ANKS1A: variants seen among roughly 807,000 people sequenced by gnomAD.
ANKS1A encodes ankyrin repeat and SAM domain-containing protein 1A.
In ANKS1A, 55 loss-of-function variants were observed where a neutral mutation model predicts 120.3. The ratio of observed to expected loss-of-function variants is 0.46; its 90% confidence interval spans 0.37 to 0.57. ANKS1A has a LOEUF of 0.57. ANKS1A is among the 20% of genes least tolerant of loss of function. The pLI is 0.00. For missense variants in ANKS1A, 1,123 were observed against 1,480.3 expected, an observed-to-expected ratio of 0.76 and a Z score of 3.96; for synonymous variants, 590 against 604.7, an observed-to-expected ratio of 0.98 and a Z score of 0.36.
rs189598650 is a variant in ANKS1A, at chr6:34,987,633, C to T, written c.1210-1591C>T. Among the ~76,000 whole-genome samples the T allele has an allele frequency of 1.3e-4, 20 of 152,308 alleles. No homozygotes were observed. The South Asian group carries it at 1.7e-3, about 13-fold the overall frequency. On this transcript the variant is annotated intron_variant, in intron 8 of 23. Transcript: ENST00000360359. ...TTGTTTTGAAGTTGTTGCCATTGGG[C>T]ATCCATCTGGTTCCAGGGTCTATGG... is the stretch of plus-strand genomic sequence containing the variant.
At chr6:34,903,256 G>T (rs1767452687) in intron 1 of ANKS1A, among the ~76,000 whole-genome samples, 2 of 150,358 alleles carry the variant, frequency 1.3e-5, no homozygotes, top group Non-Finnish European at 3.0e-5. Flanking sequence ...TTTCAAATTG[G>T]CTCATTGTGG....
intron 10 of ANKS1A, among the ~76,000 whole-genome samples, chr6:35,014,053 T>G (rs1372256629): frequency 6.6e-6 from 1 of 152,196 alleles, no homozygotes; most frequent in African/African-American, 2.4e-5. Flanking sequence ...AAGAAGTGAT[T>G]TGCTTAAAAA....
At chr6:34,941,563 C>T (rs1442516609) in intron 1 of ANKS1A, among the ~76,000 whole-genome samples, 26 of 152,076 alleles carry the variant, frequency 1.7e-4, no homozygotes, top group Non-Finnish European at 5.9e-5. Flanking sequence ...CCACTGTGCC[C>T]GCCCAAACTG....
intron 20 of ANKS1A, 22 bp downstream of exon 20, chr6:35,083,525 T>G (rs748449461): frequency 1.9e-6 from 3 of 1,611,792 alleles, no homozygotes; most frequent in Non-Finnish European, 2.5e-6. Flanking sequence ...ACAGGGACTC[T>G]TGGTGGGAGT....
chr6:34,910,978 G>C lies in ANKS1A; in HGVS notation c.197+21379G>C, dbSNP rs187721744. The stretch of plus-strand genomic sequence containing the variant: ...GTGGAAGGACTGGAGTTTTGTAAGG[G>C]ATAACTGAAATGAAACACTTTTTTC... On this transcript the variant is annotated intron_variant, in intron 1 of 23. Transcript: ENST00000360359. 1.2e-4 allele frequency among the ~76,000 whole-genome samples: 19 copies of C among 152,300 alleles called. No individual in the cohort carries two copies. In the East Asian group the frequency reaches 2.9e-3, roughly 23 times the overall value.
chr6:34,915,507 C>T (rs922084653), intron 1 of ANKS1A, among the ~76,000 whole-genome samples: 2 of 152,028 alleles, frequency 1.3e-5, no homozygotes, highest in South Asian at 4.2e-4. Context: ...CCACCGCACT[C>T]GACTAATTTT....
chr6:34,954,048 A>G (rs1770220894), intron 1 of ANKS1A, among the ~76,000 whole-genome samples: 1 of 152,238 alleles, frequency 6.6e-6, no homozygotes, highest in South Asian at 2.1e-4. Flanking sequence ...GCTTGTTAAA[A>G]ATATAATGTA....
intron 2 of ANKS1A, among the ~76,000 whole-genome samples, chr6:34,968,510 T>G (rs1238400065): frequency 2.6e-5 from 4 of 152,130 alleles, no homozygotes. Flanking sequence ...TGATCTTGGC[T>G]CACTGCAACC....
At position 34,996,500 on chromosome 6, in the gene ANKS1A, G is replaced by T. The variant is rs1772860631; in HGVS notation, c.1423+2078G>T. On this transcript the variant is annotated intron_variant, in intron 10 of 23. Coordinates refer to ENST00000360359, the MANE Select transcript of ANKS1A (RefSeq NM_015245.3). ...TCTTTTTTTTTTTTTTTAAGACGGA[G>T]TCTTGCTCTGTCACCAGGCTGGAGT... 2.7e-5 allele frequency among the ~76,000 whole-genome samples: 4 copies of T among 149,246 alleles called. No individual in the cohort carries two copies. In the South Asian group the frequency reaches 8.4e-4, roughly 31 times the overall value.
At chr6:35,009,605 C>T (rs1250655390) in intron 10 of ANKS1A, among the ~76,000 whole-genome samples, 2 of 151,914 alleles carry the variant, frequency 1.3e-5, no homozygotes, top group African/African-American at 2.4e-5. Flanking sequence ...TGATTCTTAA[C>T]GTTAAAGAGA....
chr6:34,914,128 A>G (rs762264637), intron 1 of ANKS1A, among the ~76,000 whole-genome samples: 6 of 134,258 alleles, frequency 4.5e-5, no homozygotes, highest in South Asian at 2.5e-4. Flanking sequence ...TCAACATGTT[A>G]GCCAGGATGG....
chr6:35,000,484 T>C (rs1051159306), intron 10 of ANKS1A, among the ~76,000 whole-genome samples: 7 of 151,642 alleles, frequency 4.6e-5, no homozygotes, highest in African/African-American at 1.7e-4. Flanking sequence ...AGAATGGTTA[T>C]CTTCAAAGAA....
intron 3 of ANKS1A, among the ~76,000 whole-genome samples, chr6:34,980,461 A>C (rs1184570580): frequency 6.6e-6 from 1 of 152,258 alleles, no homozygotes; most frequent in Non-Finnish European, 1.5e-5. Flanking sequence ...CAAATGCCAG[A>C]TCAAAAGCAG....
intron 1 of ANKS1A, among the ~76,000 whole-genome samples, chr6:34,956,358 T>G (rs72894091): frequency 2.3e-3 from 347 of 150,606 alleles, no homozygotes; most frequent in Middle Eastern, 3.4e-3. Flanking sequence ...TTTTTTTGGG[T>G]TTTTTTTGTG....
chr6:34,964,012 G>T (rs1171372726), intron 1 of ANKS1A, among the ~76,000 whole-genome samples: 6 of 151,986 alleles, frequency 3.9e-5, no homozygotes, highest in Admixed American at 2.0e-4. Context: ...ATATATTTTG[G>T]ATATTAACCT....
chr6:34,910,860 CAA>C (rs10715320), intron 1 of ANKS1A, among the ~76,000 whole-genome samples: 75 of 80,292 alleles, frequency 9.3e-4, no homozygotes, highest in African/African-American at 2.2e-3. Context: ...AACTCCATCT[CAA>C]AAAAAAAAAA....
rs540268155 is a variant in ANKS1A at position 35,033,823 on chromosome 6, G to T, written c.2010+15764G>T. On this transcript the variant is annotated intron_variant, in intron 11 of 23. Coordinates refer to ENST00000360359, the MANE Select transcript of ANKS1A (RefSeq NM_015245.3). ...TAACGTCTCTCTGTGCTCTGGAAGG[G>T]GTTCACTTCCCCAGGTGGACCTGAG... Among the ~76,000 whole-genome samples, 8 of 152,272 alleles carry T rather than the reference G, an allele frequency of 5.3e-5. No individual in the cohort carries two copies. In the East Asian group the frequency reaches 1.4e-3, roughly 26 times the overall value.
rs71794086 is a variant in ANKS1A at position 34,924,090 on chromosome 6, C to CGTGTGTGTGTGT, written c.197+34518_197+34529dup. Among the ~76,000 whole-genome samples the CGTGTGTGTGTGT allele has an allele frequency of 5.2e-3, 747 of 143,232 alleles. 8 individuals are homozygous for CGTGTGTGTGTGT. The highest frequency in any genetic ancestry group is 0.024 in the East Asian group (117 of 4,826). 94.0% of individuals were successfully genotyped at this position (143,232 alleles called of 152,430 possible). On this transcript the variant is annotated intron_variant, in intron 1 of 23. Coordinates refer to ENST00000360359, the MANE Select transcript of ANKS1A (RefSeq NM_015245.3). ...TGACATAGAATAGAGGGGGCTTTTT[C>CGTGTGTGTGTGT]GTGTGTGTGTGTGTGTGTGTGTGTG...
chr6:34,987,235 C>A (rs1464311239), intron 8 of ANKS1A, among the ~76,000 whole-genome samples: 1 of 152,146 alleles, frequency 6.6e-6, no homozygotes, highest in Non-Finnish European at 1.5e-5. Context: ...TACTTCTAAG[C>A]CCTGCTCCAA....
Sources: allele counts gnomAD v4.1 joint callset (sites outside exome capture counted in the v4.1 genomes callset), GRCh38; gene constraint gnomAD v4.1.1; transcripts MANE v1.5; gene names NCBI Gene and HGNC (gene_info 2026-07-23, HGNC 2026-07-21).